CSMD1: variants seen among roughly 807,000 people sequenced by gnomAD.
The protein encoded by CSMD1 is CUB and Sushi multiple domains 1, also known as CUB and sushi domain-containing protein 1.
Under a neutral mutation model 417.5 loss-of-function variants are expected in CSMD1, and 213 were observed. The observed-to-expected ratio is 0.51, with a 90% CI of 0.46 to 0.57. The LOEUF (loss-of-function observed/expected upper bound fraction) is 0.57, where lower values mean the gene tolerates loss of function less well. Among genes scored for constraint, CSMD1 ranks in the 20% least tolerant of loss-of-function variants. The pLI is 0.00. For synonymous variants in CSMD1, 2,862 were observed against 1,736.8 expected (o/e 1.65, Z -16.11); for missense variants, 6,923 against 4,529.7 (o/e 1.53, Z -15.17).
chr8:3,827,107 A>G (rs1177290543), intron 5 of CSMD1, among the ~76,000 whole-genome samples: 1 of 152,178 alleles, frequency 6.6e-6, no homozygotes, highest in African/African-American at 2.4e-5. Context: ...TCTATTTTAG[A>G]TGTAAAAACC....
chr8:3,791,522 A>G (rs1799741253), intron 5 of CSMD1, among the ~76,000 whole-genome samples: 1 of 152,138 alleles, frequency 6.6e-6, no homozygotes, highest in Non-Finnish European at 1.5e-5. Flanking sequence ...GGTATGGACA[A>G]TTTTAAAATT....
intron 1 of CSMD1, among the ~76,000 whole-genome samples, chr8:4,927,135 T>G (rs1235975878): frequency 6.7e-6 from 1 of 148,880 alleles, no homozygotes; most frequent in Non-Finnish European, 1.5e-5. Context: ...AGATAGACAC[T>G]CACTCTGTTG....
chr8:3,628,022 A>C (rs1448454805), intron 7 of CSMD1, among the ~76,000 whole-genome samples: 1 of 152,222 alleles, frequency 6.6e-6, no homozygotes, highest in African/African-American at 2.4e-5. Flanking sequence ...TAAAAGATTC[A>C]AAAGGGCAAT....
rs898453397 is a variant in CSMD1 at position 4,453,268 on chromosome 8, G to T, written c.303-33203C>A. ...ACTGAACCTCCTAGCTGTACCTAAT[G>T]TAACCAAAACATGAATTTACACTCC... On this transcript the variant is annotated intron_variant, in intron 2 of 69. Transcript: ENST00000635120. 4.6e-5 allele frequency among the ~76,000 whole-genome samples: 7 copies of T among 151,234 alleles called. No individual in the cohort carries two copies. In the South Asian group the frequency reaches 1.5e-3, roughly 32 times the overall value.
intron 3 of CSMD1, among the ~76,000 whole-genome samples, chr8:4,377,648 G>A (rs545536680): frequency 6.6e-6 from 1 of 152,076 alleles, no homozygotes; most frequent in Admixed American, 6.6e-5. Context: ...TCATTTATAA[G>A]GTTCTTTTTA....
intron 2 of CSMD1, among the ~76,000 whole-genome samples, chr8:4,634,842 C>G (rs1431202802): frequency 6.6e-6 from 1 of 152,126 alleles, no homozygotes; most frequent in African/African-American, 2.4e-5. Context: ...TCCAATTTCA[C>G]ATCTCTATTT....
intron 3 of CSMD1, among the ~76,000 whole-genome samples, chr8:4,075,124 T>C (rs1020990998): frequency 2.6e-5 from 4 of 152,126 alleles, no homozygotes; most frequent in Admixed American, 6.5e-5. Context: ...ACAGTAAATA[T>C]CAAAATGATA....
intron 2 of CSMD1, among the ~76,000 whole-genome samples, chr8:4,589,225 T>G (rs1197590894): frequency 1.3e-5 from 2 of 152,172 alleles, no homozygotes; most frequent in Non-Finnish European, 2.9e-5. Context: ...AGAACTACAT[T>G]TTTCTATATT....
intron 7 of CSMD1, among the ~76,000 whole-genome samples, chr8:3,654,145 A>G (rs1797989669): frequency 6.6e-6 from 1 of 152,154 alleles, no homozygotes; most frequent in Non-Finnish European, 1.5e-5. Flanking sequence ...TTCACAGGAC[A>G]CCCTGTGTGC....
intron 10 of CSMD1, among the ~76,000 whole-genome samples, chr8:3,547,973 G>C (rs1798746600): frequency 6.6e-6 from 1 of 152,040 alleles, no homozygotes; most frequent in South Asian, 2.1e-4. Context: ...AACCTATTTG[G>C]ATATGGTAAA....
At chr8:4,377,471 A>T (rs947225946) in intron 3 of CSMD1, among the ~76,000 whole-genome samples, 2 of 152,190 alleles carry the variant, frequency 1.3e-5, no homozygotes, top group South Asian at 2.1e-4. Flanking sequence ...ATTACTAACA[A>T]GTCAATTTGA....
chr8:3,352,860 A>G (rs572257125), intron 21 of CSMD1, among the ~76,000 whole-genome samples: 1 of 152,292 alleles, frequency 6.6e-6, no homozygotes, highest in East Asian at 1.9e-4. Flanking sequence ...ACAAACAAAG[A>G]AACAAACAAA....
chr8:3,177,695 G>T (rs909968628), intron 37 of CSMD1, among the ~76,000 whole-genome samples: 5 of 152,104 alleles, frequency 3.3e-5, no homozygotes, highest in African/African-American at 1.2e-4. Flanking sequence ...CAGTCTCGGG[G>T]CCCGTGTGTT....
intron 10 of CSMD1, among the ~76,000 whole-genome samples, chr8:3,571,435 G>A (rs1002481864): frequency 2.6e-5 from 4 of 152,184 alleles, no homozygotes; most frequent in Non-Finnish European, 5.9e-5. Context: ...AAGATTTTGA[G>A]AATGCAGTAG....
Position 4,366,649 on chromosome 8 carries a change from G to A in CSMD1, c.415+53304C>T, listed in dbSNP as rs559942295. Among the ~76,000 whole-genome samples, 122 of 151,976 alleles carry A rather than the reference G, an allele frequency of 8.0e-4. 1 individual carries two copies. The highest frequency in any genetic ancestry group is 2.6e-3 in the African/African-American group (109 of 41,438). Reference sequence around the variant, plus strand: ...GACTCATGAGAGATGGTATCTCATCGTGGTTTTGATTTGCATGTCTCTAAT... The same window carrying A: ...GACTCATGAGAGATGGTATCTCATCATGGTTTTGATTTGCATGTCTCTAAT... On this transcript the variant is annotated intron_variant, in intron 3 of 69. Coordinates refer to ENST00000635120, the MANE Select transcript of CSMD1 (RefSeq NM_033225.6).
In CSMD1 at chr8:4,327,297, TTTCTC is replaced by T. The variant is rs1799616797; in HGVS notation, c.415+92651_415+92655del. Among the ~76,000 whole-genome samples the T allele has an allele frequency of 3.9e-5, 6 of 152,326 alleles. No individual in the cohort carries two copies. In the South Asian group the frequency reaches 1.2e-3, roughly 32 times the overall value. On this transcript the variant is annotated intron_variant, in intron 3 of 69. Transcript: ENST00000635120. ...GCTCTTTAAGTATCTCTTTTACATT[TTTCTC>T]TTCCTTCTTTTCAAGAGCAATTTTA...
At position 3,406,151 on chromosome 8, in the gene CSMD1, T is replaced by G; in HGVS notation, c.2142A>C (p.Leu714=). The change falls in exon 15 of 70, where the codon CTA becomes CTC. Residue 714 remains leucine, a synonymous_variant. Transcript: ENST00000635120. ...INGRRFGDRF[L]LGSSVSFHCD... ...AGTGGAAAGAAACCGAGCTCCCGAG[T>G]AGAAACCTGTCACCAAAACGTCGTC... is the stretch of plus-strand genomic sequence containing the variant. The G allele has an allele frequency of 6.2e-7, 1 of 1,613,260 alleles. No individual in the cohort carries two copies. Among genetic ancestry groups the G allele is most frequent in the Non-Finnish European group, 8.5e-7 (1 of 1,179,720 alleles).
intron 17 of CSMD1, among the ~76,000 whole-genome samples, chr8:3,395,155 A>C (rs1435018741): frequency 2.0e-5 from 3 of 152,198 alleles, no homozygotes; most frequent in Non-Finnish European, 4.4e-5. Flanking sequence ...ACATGATTCT[A>C]TGCATGCATT....
chr8:4,882,416 C>T (rs1396340486), intron 1 of CSMD1, among the ~76,000 whole-genome samples: 5 of 151,634 alleles, frequency 3.3e-5, no homozygotes, highest in Admixed American at 2.6e-4. Flanking sequence ...CATTGTGTGG[C>T]TTTAGCTTCA....
Sources: allele counts gnomAD v4.1 joint callset (sites outside exome capture counted in the v4.1 genomes callset), GRCh38; gene constraint gnomAD v4.1.1; transcripts MANE v1.5; gene names NCBI Gene and HGNC (gene_info 2026-07-23, HGNC 2026-07-21).